NHS: variants seen among roughly 807,000 people sequenced by gnomAD.
The protein encoded by NHS is actin remodeling regulator NHS.
In NHS, 5 loss-of-function variants were observed where a neutral mutation model predicts 72.5. The observed-to-expected ratio is 0.07, with a 90% CI of 0.04 to 0.14. The LOEUF (loss-of-function observed/expected upper bound fraction) is 0.14. Among genes scored for constraint, NHS ranks in the 10% least tolerant of loss-of-function variants. NHS has a pLI of 1.00. For missense variants in NHS, 1,072 were observed against 1,355.7 expected, an observed-to-expected ratio of 0.79 and a Z score of 3.29; for synonymous variants, 464 against 547.7, an observed-to-expected ratio of 0.85 and a Z score of 2.13.
At chrX:17,572,586 G>T (rs1164404657) in intron 1 of NHS, among the ~76,000 whole-genome samples, 1 of 100,719 alleles carries the variant, frequency 9.9e-6, no homozygotes, top group Non-Finnish European at 2.0e-5. Context: ...CATGTGAGAT[G>T]GGTCTCCTGA....
At chrX:17,644,832 T>A (rs2065898410) in intron 1 of NHS, among the ~76,000 whole-genome samples, 1 of 111,070 alleles carries the variant, frequency 9.0e-6, no homozygotes, top group Admixed American at 9.6e-5. Context: ...CCTTCTATAT[T>A]TATCCTGTGG....
chrX:17,521,691 T>C (rs1211817877), intron 1 of NHS, among the ~76,000 whole-genome samples: 1 of 111,970 alleles, frequency 8.9e-6, no homozygotes, highest in Non-Finnish European at 1.9e-5. Context: ...CCTACAAATA[T>C]CTATTACATC....
chrX:17,623,279 C>T (rs913531235), intron 1 of NHS, among the ~76,000 whole-genome samples: 1 of 111,538 alleles, frequency 9.0e-6, no homozygotes, highest in African/African-American at 3.3e-5. Flanking sequence ...GTGTTGTTGG[C>T]TTTCCAAGCA....
chrX:17,459,041 G>A (rs1323757559), intron 1 of NHS, among the ~76,000 whole-genome samples: 1 of 112,616 alleles, frequency 8.9e-6, no homozygotes, highest in Non-Finnish European at 1.9e-5. Flanking sequence ...AGGTCCCCAT[G>A]CATGCTCCAG....
At chrX:17,440,713 G>C (rs1601707960) in intron 1 of NHS, among the ~76,000 whole-genome samples, 1 of 111,659 alleles carries the variant, frequency 9.0e-6, no homozygotes, top group Non-Finnish European at 1.9e-5. Context: ...TGTCTCTCTG[G>C]CCTCAGTTCA....
At chrX:17,528,656 C>T (rs1405466545) in intron 1 of NHS, 1 of 111,825 alleles carries the variant, frequency 8.9e-6, no homozygotes, top group African/African-American at 3.3e-5. Flanking sequence ...TGCTGGCTAA[C>T]TCACCCCTTC....
intron 5 of NHS, among the ~76,000 whole-genome samples, chrX:17,723,794 A>C (rs1569318407): frequency 1.6e-5 from 1 of 62,228 alleles, no homozygotes; most frequent in East Asian, 6.5e-4. Context: ...CGCATGGGGA[A>C]TGCAAGAAGG....
intron 3 of NHS, among the ~76,000 whole-genome samples, chrX:17,706,355 A>G (rs777682483): frequency 6.2e-5 from 7 of 112,007 alleles, no homozygotes; most frequent in Non-Finnish European, 1.3e-4. Flanking sequence ...GTATTTATCA[A>G]TGCTAATGAC....
At position 17,733,716 on chromosome X, in the gene NHS, CATT is replaced by C. The variant is rs2066503512; in HGVS notation, c.*1256_*1258del. 8.9e-6 allele frequency: 1 copy of C among 111,782 alleles called. No homozygotes were observed. Among genetic ancestry groups the C allele is most frequent in the African/African-American group, 3.3e-5 (1 of 30,617 alleles). 9.2% of individuals were successfully genotyped at this position (111,782 alleles called of 1,213,427 possible). On this transcript the variant is annotated 3_prime_UTR_variant, in exon 9 of 9. Coordinates refer to ENST00000676302, the MANE Select transcript of NHS (RefSeq NM_001291867.2). ...GTTGGAAAATAGGTATGTGTATATG[CATT>C]ATTTATACTCATTGTTAAACTGGGA...
chrX:17,409,374 GTT>G (rs61181196), intron 1 of NHS, among the ~76,000 whole-genome samples: 74 of 97,187 alleles, frequency 7.6e-4, no homozygotes, highest in Middle Eastern at 5.4e-3. Context: ...CTTCCATTAT[GTT>G]TTTTTTTTTT....
chrX:17,483,957 C>T (rs1052098132), intron 1 of NHS, among the ~76,000 whole-genome samples: 2 of 111,780 alleles, frequency 1.8e-5, no homozygotes, highest in Admixed American at 9.5e-5. Flanking sequence ...TCTTGGATCT[C>T]CAGGGCCACA....
intron 1 of NHS, chrX:17,528,860 C>T (rs1282537062): frequency 3.6e-5 from 4 of 111,389 alleles, no homozygotes; most frequent in African/African-American, 1.3e-4. Flanking sequence ...GTTAGACAGC[C>T]CTGGGCCACT....
chrX:17,413,410 T>C (rs1294261274), intron 1 of NHS, among the ~76,000 whole-genome samples: 3 of 112,184 alleles, frequency 2.7e-5, no homozygotes, highest in African/African-American at 9.7e-5. Flanking sequence ...CACATGGACT[T>C]TTTTAATGTG....
chrX:17,589,534 A>G (rs773909356), intron 1 of NHS, among the ~76,000 whole-genome samples: 12 of 111,799 alleles, frequency 1.1e-4, no homozygotes, highest in Non-Finnish European at 1.7e-4. Flanking sequence ...ATGGTATTCC[A>G]TGGTATGTAT....
At chrX:17,685,944 T>C (rs1336605734) in intron 1 of NHS, among the ~76,000 whole-genome samples, 1 of 112,025 alleles carries the variant, frequency 8.9e-6, no homozygotes, top group African/African-American at 3.2e-5. Context: ...TTCCTGTGTG[T>C]TTTGTTCTGT....
chrX:17,497,852 T>A, intron 1 of NHS, among the ~76,000 whole-genome samples: 1 of 111,998 alleles, frequency 8.9e-6, no homozygotes. Context: ...GATGGGTATT[T>A]AGGTTACTTC....
intron 1 of NHS, among the ~76,000 whole-genome samples, chrX:17,678,859 G>T (rs2066104460): frequency 9.1e-6 from 1 of 110,326 alleles, no homozygotes; most frequent in African/African-American, 3.4e-5. Flanking sequence ...GGAGTGACAG[G>T]GATCCTGTCT....
chrX:17,479,009 C>A (rs1412317349), intron 1 of NHS, among the ~76,000 whole-genome samples: 1 of 111,562 alleles, frequency 9.0e-6, no homozygotes, highest in Non-Finnish European at 1.9e-5. Flanking sequence ...CACCCACCAA[C>A]CCATCATCTA....
chrX:17,502,788 CAAAAAAAAAA>C (rs759665461), intron 1 of NHS, among the ~76,000 whole-genome samples: 2 of 7,102 alleles, frequency 2.8e-4, no homozygotes, highest in African/African-American at 8.4e-4. Flanking sequence ...GACTCCGTCT[CAAAAAAAAAA>C]AAAAAAAAAA....
Sources: allele counts gnomAD v4.1 joint callset (sites outside exome capture counted in the v4.1 genomes callset), GRCh38; gene constraint gnomAD v4.1.1; transcripts MANE v1.5; gene names NCBI Gene and HGNC (gene_info 2026-07-23, HGNC 2026-07-21).